The following SLC24A2 variants were observed in gnomAD, a reference collection of about 807,000 sequenced individuals.
The protein encoded by SLC24A2 is solute carrier family 24 member 2.
A neutral mutation model predicts 62.0 loss-of-function variants in SLC24A2; 36 were observed. The ratio of observed to expected loss-of-function variants is 0.58; its 90% confidence interval spans 0.44 to 0.77. The LOEUF (loss-of-function observed/expected upper bound fraction) is 0.77, where lower values mean the gene tolerates loss of function less well. Ranked by LOEUF, SLC24A2 falls within the 30% of genes least tolerant of loss-of-function variation. The pLI is 0.00. For synonymous variants in SLC24A2, 358 were observed against 294.0 expected (o/e 1.22, Z -2.23); for missense variants, 846 against 817.9 (o/e 1.03, Z -0.42).
At chr9:20,153,783 A>G in the SLC24A2 span, among the ~76,000 whole-genome samples, 1 of 152,044 alleles carries the variant, frequency 6.6e-6, no homozygotes, top group South Asian at 2.1e-4. Flanking sequence ...GCAAAACACC[A>G]AAATGTTAAC....
At chr9:20,206,875 C>A in the SLC24A2 span, among the ~76,000 whole-genome samples, 1 of 35,424 alleles carries the variant, frequency 2.8e-5, no homozygotes, top group East Asian at 8.0e-4. Flanking sequence ...AAAAAAAAAA[C>A]TAAGTTGGGG....
chr9:19,595,734 G>C (rs1012369126), intron 5 of SLC24A2, among the ~76,000 whole-genome samples: 1 of 152,176 alleles, frequency 6.6e-6, no homozygotes, highest in Non-Finnish European at 1.5e-5. Context: ...GGATGGCAGG[G>C]AAACAAAAGT....
At chr9:19,772,138 T>A (rs1249518914) in intron 2 of SLC24A2, among the ~76,000 whole-genome samples, 1 of 152,096 alleles carries the variant, frequency 6.6e-6, no homozygotes, top group Non-Finnish European at 1.5e-5. Context: ...CAAAGAAGGA[T>A]GATGCAGCAA....
the SLC24A2 span, among the ~76,000 whole-genome samples, chr9:19,824,594 T>C: frequency 1.3e-5 from 2 of 152,196 alleles, no homozygotes; most frequent in African/African-American, 4.8e-5. Flanking sequence ...AGTTCAACCA[T>C]TGTGGAAGAC....
At chr9:20,100,928 C>T in the SLC24A2 span, among the ~76,000 whole-genome samples, 1 of 152,132 alleles carries the variant, frequency 6.6e-6, no homozygotes, top group Non-Finnish European at 1.5e-5. Flanking sequence ...TGTGGTCTCT[C>T]CAGAAGCAGA....
At chr9:19,796,268 T>TA in the SLC24A2 span, among the ~76,000 whole-genome samples, 58 of 145,606 alleles carry the variant, frequency 4.0e-4, 1 homozygote, top group South Asian at 1.3e-3. Context: ...ACTTAAAGTA[T>TA]AAAAAAAAAA....
the SLC24A2 span, among the ~76,000 whole-genome samples, chr9:19,940,300 A>G: frequency 6.6e-6 from 1 of 152,230 alleles, no homozygotes; most frequent in Non-Finnish European, 1.5e-5. Flanking sequence ...ACTGTTCCAT[A>G]TAAGCCTTGC....
At chr9:19,798,524 G>A in the SLC24A2 span, among the ~76,000 whole-genome samples, 1 of 152,074 alleles carries the variant, frequency 6.6e-6, no homozygotes, top group African/African-American at 2.4e-5. Flanking sequence ...GGGCCTATGA[G>A]TGAGATCTTT....
At chr9:20,002,868 G>C in the SLC24A2 span, among the ~76,000 whole-genome samples, 1 of 152,198 alleles carries the variant, frequency 6.6e-6, no homozygotes, top group African/African-American at 2.4e-5. Context: ...CTTAGCTGTA[G>C]CCTCCACACA....
intron 2 of SLC24A2, among the ~76,000 whole-genome samples, chr9:19,780,430 G>C (rs1267033492): frequency 1.3e-5 from 2 of 151,420 alleles, no homozygotes; most frequent in Non-Finnish European, 2.9e-5. Flanking sequence ...ACTGCGCCCA[G>C]CTAATTTTTG....
the SLC24A2 span, among the ~76,000 whole-genome samples, chr9:19,894,643 A>G: frequency 6.6e-6 from 1 of 152,180 alleles, no homozygotes; most frequent in Non-Finnish European, 1.5e-5. Context: ...AGCACAGCCT[A>G]CTTTCTCAGC....
At chr9:19,734,366 C>G (rs61894707) in intron 2 of SLC24A2, among the ~76,000 whole-genome samples, 1 of 152,106 alleles carries the variant, frequency 6.6e-6, no homozygotes, top group African/African-American at 2.4e-5. Context: ...CTTGGCAATG[C>G]GGGCTCTTTT....
the SLC24A2 span, among the ~76,000 whole-genome samples, chr9:20,212,316 G>A: frequency 1.3e-5 from 2 of 150,566 alleles, no homozygotes; most frequent in African/African-American, 4.9e-5. Context: ...ATATACAAAG[G>A]AAAAAAAAAT....
the SLC24A2 span, among the ~76,000 whole-genome samples, chr9:19,796,629 T>C: frequency 6.6e-6 from 1 of 152,254 alleles, no homozygotes; most frequent in Non-Finnish European, 1.5e-5. Flanking sequence ...TTTCAAAGTA[T>C]GGCTTTGTGA....
chr9:19,633,175 T>C (rs1025017037), intron 2 of SLC24A2, among the ~76,000 whole-genome samples: 3 of 152,240 alleles, frequency 2.0e-5, no homozygotes, highest in Admixed American at 1.3e-4. Context: ...ATGGTATGGA[T>C]ATACCACAGT....
At chr9:20,014,063 C>T in the SLC24A2 span, among the ~76,000 whole-genome samples, 48 of 152,106 alleles carry the variant, frequency 3.2e-4, no homozygotes, top group East Asian at 8.7e-3. Context: ...TAAAAATTAG[C>T]AGGGTGTGGT....
At chr9:20,060,997 A>G in the SLC24A2 span, among the ~76,000 whole-genome samples, 23 of 152,224 alleles carry the variant, frequency 1.5e-4, no homozygotes, top group Non-Finnish European at 3.2e-4. Context: ...CAGGATTTGT[A>G]TACTGAAAAC....
At chr9:20,223,153 A>G in the SLC24A2 span, among the ~76,000 whole-genome samples, 2 of 152,274 alleles carry the variant, frequency 1.3e-5, no homozygotes, top group African/African-American at 4.8e-5. Context: ...CTAAACATCA[A>G]TAAAATGTAA....
At chr9:20,032,465 G>C in the SLC24A2 span, among the ~76,000 whole-genome samples, 1 of 152,278 alleles carries the variant, frequency 6.6e-6, no homozygotes, top group Non-Finnish European at 1.5e-5. Flanking sequence ...TTGTGTTTTA[G>C]TATGGGACTG....
Sources: gnomAD v4.1 joint callset for allele counts (sites outside exome capture counted in the v4.1 genomes callset) on GRCh38, gnomAD v4.1.1 for gene constraint, MANE v1.5 for transcripts, NCBI Gene and HGNC (gene_info 2026-07-23, HGNC 2026-07-21) for gene names.